Variants in APMAP observed in about 807,000 individuals in gnomAD.
APMAP encodes the protein adipocyte plasma membrane-associated protein.
Under a neutral mutation model 43.6 loss-of-function variants are expected in APMAP, and 33 were observed. That is an observed-to-expected ratio of 0.76 (90% CI 0.57 to 1.01). The LOEUF (loss-of-function observed/expected upper bound fraction) is 1.01. Among genes scored for constraint, APMAP ranks in the 50% least tolerant of loss-of-function variants. The probability of loss-of-function intolerance (pLI) is 0.00; values close to 1 mark genes in which losing one functional copy is unlikely to be tolerated. For synonymous variants in APMAP, 224 were observed against 216.7 expected, an observed-to-expected ratio of 1.03 and a Z score of -0.30; for missense variants, 498 against 540.7, an observed-to-expected ratio of 0.92 and a Z score of 0.78.
chr20:24,982,663 C>G (rs748703444), intron 2 of APMAP, among the ~76,000 whole-genome samples: 1 of 152,210 alleles, frequency 6.6e-6, no homozygotes, highest in Non-Finnish European at 1.5e-5. Flanking sequence ...GGCCAGCCCC[C>G]CAACCCAAGC....
intron 8 of APMAP, 86 bp from the exon 9 acceptor site, chr20:24,964,108 G>A (rs1198502611): frequency 3.1e-5 from 42 of 1,376,800 alleles, no homozygotes; most frequent in Non-Finnish European, 4.1e-5. Flanking sequence ...CACCATCCAG[G>A]AACGGTCTGA....
intron 3 of APMAP, among the ~76,000 whole-genome samples, chr20:24,976,401 T>A (rs1432169962): frequency 1.3e-5 from 2 of 151,990 alleles, no homozygotes; most frequent in African/African-American, 2.4e-5. Flanking sequence ...AACAGACACA[T>A]CACCAAGAAG....
At chr20:24,969,493 A>G in intron 7 of APMAP, 33 bp downstream of exon 7, 1 of 1,588,224 alleles carries the variant, frequency 6.3e-7, no homozygotes, top group Non-Finnish European at 8.6e-7. Flanking sequence ...CGCTCTGGCC[A>G]GTAACTGATG....
At chr20:24,975,132 C>T (rs1385835143) in intron 3 of APMAP, among the ~76,000 whole-genome samples, 3 of 152,106 alleles carry the variant, frequency 2.0e-5, no homozygotes, top group Non-Finnish European at 4.4e-5. Context: ...GGCAAAGATG[C>T]CCCTATCACC....
intron 8 of APMAP, among the ~76,000 whole-genome samples, chr20:24,964,802 A>G (rs1568809373): frequency 1.3e-5 from 2 of 152,180 alleles, no homozygotes; most frequent in African/African-American, 4.8e-5. Flanking sequence ...AAGGGAAAAT[A>G]CCCAAACAAG....
chr20:24,989,228 C>T (rs1027865229), intron 1 of APMAP, among the ~76,000 whole-genome samples: 3 of 152,100 alleles, frequency 2.0e-5, no homozygotes, highest in African/African-American at 7.2e-5. Context: ...AGTTCCCAGG[C>T]GCAGTTTGAG....
intron 1 of APMAP, among the ~76,000 whole-genome samples, chr20:24,984,504 G>A (rs1328826956): frequency 6.6e-6 from 1 of 152,190 alleles, no homozygotes; most frequent in East Asian, 1.9e-4. Context: ...AAGTCATGAA[G>A]GAAATGGAAG....
At chr20:24,991,913 G>A (rs6138454) in intron 1 of APMAP, among the ~76,000 whole-genome samples, 27 of 152,170 alleles carry the variant, frequency 1.8e-4, no homozygotes, top group Admixed American at 1.8e-3. Context: ...ATATTTCTTA[G>A]GTGTCAACAA....
intron 8 of APMAP, chr20:24,964,331 T>C (rs760508464): frequency 1.3e-5 from 7 of 552,740 alleles, no homozygotes; most frequent in South Asian, 7.7e-5. Context: ...ACATCCGACG[T>C]GGTCACAGCA....
At chr20:24,992,071 A>C (rs887248252) in intron 1 of APMAP, among the ~76,000 whole-genome samples, 1 of 152,228 alleles carries the variant, frequency 6.6e-6, no homozygotes, top group Non-Finnish European at 1.5e-5. Context: ...GGGCAGGTGC[A>C]GAAGAGCAAG....
Position 24,978,797 on chromosome 20 carries a change from C to G in APMAP, c.298G>C (p.Val100Leu). The G allele has an allele frequency of 2.5e-6, 4 of 1,601,958 alleles. No individual in the cohort carries two copies. The highest frequency in any genetic ancestry group is 3.4e-6 in the Non-Finnish European group (4 of 1,172,388). ...QAERLFENQL[V>L]GPESIAHIGD... Reference sequence around the variant, plus strand: ...ATATGTGCTATGGACTCCGGTCCAACAAGTTGATTTTCAAACAGCCTTTCT... The same window carrying G: ...ATATGTGCTATGGACTCCGGTCCAAGAAGTTGATTTTCAAACAGCCTTTCT... Residue 100 changes from valine (V) to leucine (L), a missense_variant, in exon 3 of 9, where the codon GTT (valine) becomes CTT (leucine). Physicochemically the swap from Val to Leu is conservative, Grantham distance 32. Coordinates refer to ENST00000217456, the MANE Select transcript of APMAP (RefSeq NM_020531.3).
In APMAP at chr20:24,969,013, T is replaced by C; in HGVS notation, c.920A>G (p.Asn307Ser). The C allele has an allele frequency of 6.2e-7, 1 of 1,613,932 alleles. No homozygotes were observed. The highest frequency in any genetic ancestry group is 1.1e-5 in the South Asian group (1 of 91,056). ...CCCCCCAGAGCTGCTGGGCCGGATG[T>C]TGTCTGGAAATCCAGGCATGTTCTC... is the stretch of plus-strand genomic sequence containing the variant. ...FVENMPGFPD[N>S]IRPSSSGGYW... The change falls in exon 8 of 9, where the codon AAC (asparagine) becomes AGC (serine). Residue 307 changes from asparagine to serine, a missense_variant. Transcript: ENST00000217456.
intron 1 of APMAP, 98 bp downstream of exon 1, chr20:24,992,495 AT>A (rs1399523510): frequency 1.0e-6 from 1 of 977,900 alleles, no homozygotes; most frequent in East Asian, 3.3e-5. Context: ...TCGGCACCGC[AT>A]CCCCAGGTTA....
intron 2 of APMAP, among the ~76,000 whole-genome samples, chr20:24,982,918 A>G (rs2088117863): frequency 6.6e-6 from 1 of 151,532 alleles, no homozygotes. Context: ...CCATCTGAAG[A>G]CCCACTGGCA....
At chr20:24,988,500 T>G (rs1358121011) in intron 1 of APMAP, among the ~76,000 whole-genome samples, 1 of 152,172 alleles carries the variant, frequency 6.6e-6, no homozygotes, top group Non-Finnish European at 1.5e-5. Context: ...AAGATTTGTG[T>G]CCCAATGCTG....
rs1426782380 is a variant in APMAP, at chr20:24,969,099, C to G, written c.849-15G>C. Reference sequence around the variant, plus strand: ...AAACGTAGACTCTGAAAAATTCACCCAAGCAGAGAGTGAACCATAGCCCCT... The same window carrying G: ...AAACGTAGACTCTGAAAAATTCACCGAAGCAGAGAGTGAACCATAGCCCCT... On this transcript the variant is annotated splice_polypyrimidine_tract_variant and intron_variant, in intron 7 of 8. Coordinates refer to ENST00000217456, the MANE Select transcript of APMAP (RefSeq NM_020531.3). 5.1e-6 allele frequency: 8 copies of G among 1,569,846 alleles called. No individual in the cohort carries two copies. Among genetic ancestry groups the G allele is most frequent in the Middle Eastern group, 1.7e-4 (1 of 5,886 alleles).
At chr20:24,984,085 C>T (rs1033035609) in intron 1 of APMAP, 66 bp from the exon 2 acceptor site, 30 of 1,328,948 alleles carry the variant, frequency 2.3e-5, no homozygotes, top group Non-Finnish European at 2.8e-5. Context: ...TTGGCTGGTC[C>T]GAAAGCCCTC....
intron 8 of APMAP, among the ~76,000 whole-genome samples, chr20:24,966,800 C>T (rs190655484): frequency 7.8e-4 from 118 of 152,214 alleles, no homozygotes; most frequent in African/African-American, 2.7e-3. Context: ...GCCTGCAGAC[C>T]GGACAGTCAC....
chr20:24,967,473 G>A (rs950303930), intron 8 of APMAP, among the ~76,000 whole-genome samples: 3 of 152,102 alleles, frequency 2.0e-5, no homozygotes, highest in Non-Finnish European at 4.4e-5. Context: ...TCAATCAACG[G>A]TACGTCCTCG....
Sources: allele counts gnomAD v4.1 joint callset (sites outside exome capture counted in the v4.1 genomes callset), GRCh38; gene constraint gnomAD v4.1.1; transcripts MANE v1.5; gene names NCBI Gene and HGNC (gene_info 2026-07-23, HGNC 2026-07-21).